The following GLT8D2 variants were observed in gnomAD, a reference collection of about 807,000 sequenced individuals.
The protein encoded by GLT8D2 is glycosyltransferase 8 domain-containing protein 2.
In GLT8D2, 45 loss-of-function variants were observed where a neutral mutation model predicts 44.5. That is an observed-to-expected ratio of 1.01 (90% CI 0.80 to 1.30). The LOEUF (loss-of-function observed/expected upper bound fraction) is 1.30. Among genes scored for constraint, GLT8D2 ranks in the 50% most tolerant of loss-of-function variants. GLT8D2 has a pLI of 0.00. For missense variants in GLT8D2, 400 were observed against 430.4 expected, an observed-to-expected ratio of 0.93 and a Z score of 0.62; for synonymous variants, 156 against 157.2, an observed-to-expected ratio of 0.99 and a Z score of 0.06.
chr12:104,046,111 T>C (rs1414827252), intron 1 of GLT8D2, among the ~76,000 whole-genome samples: 1 of 152,060 alleles, frequency 6.6e-6, no homozygotes, highest in Non-Finnish European at 1.5e-5. Flanking sequence ...ATGAGAGCTG[T>C]GTAGGTTAGT....
At chr12:104,051,576 T>C (rs1881732801), upstream of GLT8D2, among the ~76,000 whole-genome samples, 1 of 152,186 alleles carries the variant, frequency 6.6e-6, no homozygotes, top group African/African-American at 2.4e-5. Context: ...TAATCTCAAA[T>C]ATTGATGCTT....
chr12:104,056,730 AG>A (rs1158382906), intron 1 of GLT8D2, among the ~76,000 whole-genome samples: 1 of 152,346 alleles, frequency 6.6e-6, no homozygotes, highest in Admixed American at 6.5e-5. Flanking sequence ...CATAAATACA[AG>A]CTTTGCTGCC....
At chr12:104,016,652 A>C (rs942625583) in intron 3 of GLT8D2, among the ~76,000 whole-genome samples, 9 of 137,004 alleles carry the variant, frequency 6.6e-5, no homozygotes, top group Non-Finnish European at 1.6e-5. Context: ...GAAGGAGAGA[A>C]AGAAAGAAAG....
At chr12:103,995,049 G>A (rs1873237862) in intron 8 of GLT8D2, among the ~76,000 whole-genome samples, 1 of 152,128 alleles carries the variant, frequency 6.6e-6, no homozygotes, top group Non-Finnish European at 1.5e-5. Flanking sequence ...AGCAAATGGT[G>A]TAGGTCCCAT....
At chr12:104,004,493 C>T (rs1874700605) in intron 4 of GLT8D2, among the ~76,000 whole-genome samples, 1 of 152,166 alleles carries the variant, frequency 6.6e-6, no homozygotes, top group Admixed American at 6.5e-5. Context: ...ACCGTCTCAG[C>T]CCATAATCTC....
At chr12:104,000,645 G>A (rs1162990503) in intron 5 of GLT8D2, among the ~76,000 whole-genome samples, 3 of 152,172 alleles carry the variant, frequency 2.0e-5, no homozygotes, top group African/African-American at 7.2e-5. Flanking sequence ...CATGCCTTTT[G>A]TTAAGGACAA....
Position 103,999,484 on chromosome 12 carries a change from T to A in GLT8D2, c.315A>T (p.Glu105Asp). The change falls in exon 6 of 11, where the codon GAA (glutamate) becomes GAT (aspartate). Residue 105 changes from glutamate to aspartate, a missense_variant. Coordinates refer to ENST00000360814, the MANE Select transcript of GLT8D2 (RefSeq NM_001384711.1). Reference protein sequence around the residue: ...RKWIEHSKLREINFKIVEFNP... With the variant: ...RKWIEHSKLRDINFKIVEFNP... ...TGAATTCCACGATTTTAAAGTTTAT[T>A]TCTCTCAGTTTGGAATGTTCAATCC... 6.2e-7 allele frequency: 1 copy of A among 1,611,454 alleles called. No homozygotes were observed. The highest frequency in any genetic ancestry group is 8.5e-7 in the Non-Finnish European group (1 of 1,178,226).
chr12:104,061,723 C>T (rs1464743023), intron 1 of GLT8D2, among the ~76,000 whole-genome samples: 1 of 151,934 alleles, frequency 6.6e-6, no homozygotes, highest in East Asian at 1.9e-4. Context: ...ATGCCTGTAA[C>T]CCCAGAACCT....
chr12:104,022,913 G>A lies in GLT8D2; in HGVS notation c.-163-1422C>T, dbSNP rs144956376. Among the ~76,000 whole-genome samples, 1,166 of 152,254 alleles carry A rather than the reference G, an allele frequency of 7.7e-3. 17 individuals are homozygous for A. Among genetic ancestry groups the A allele is most frequent in the African/African-American group, 0.026 (1,066 of 41,552 alleles). On this transcript the variant is annotated intron_variant, in intron 1 of 10. Coordinates refer to ENST00000360814, the MANE Select transcript of GLT8D2 (RefSeq NM_001384711.1). ...ATAAAGTCCTTTGCATAAGAAAAAT[G>A]CAGGGCAAATTCTAAGAGGCATATT...
chr12:104,043,889 C>A (rs548383341), intron 1 of GLT8D2, among the ~76,000 whole-genome samples: 1 of 152,354 alleles, frequency 6.6e-6, no homozygotes, highest in Admixed American at 6.5e-5. Flanking sequence ...CAAAATAGAT[C>A]CAGAATTTTT....
At chr12:104,055,720 T>C (rs1566217154) in intron 1 of GLT8D2, among the ~76,000 whole-genome samples, 1 of 152,234 alleles carries the variant, frequency 6.6e-6, no homozygotes. Flanking sequence ...ACTGAGTATA[T>C]AACTTTTAGA....
chr12:104,016,934 G>A (rs1226359104), intron 3 of GLT8D2, among the ~76,000 whole-genome samples: 3 of 152,114 alleles, frequency 2.0e-5, no homozygotes, highest in Non-Finnish European at 4.4e-5. Flanking sequence ...TTCTTGCCCT[G>A]GTAAACAGAA....
intron 9 of GLT8D2, 198 bp downstream of exon 9, chr12:103,994,137 T>A (rs568507248): frequency 9.9e-6 from 4 of 405,058 alleles, no homozygotes; most frequent in South Asian, 6.3e-5. Flanking sequence ...CTCCACAGGA[T>A]CTTGATTCCT....
intron 4 of GLT8D2, chr12:104,012,950 A>T: frequency 1.8e-6 from 1 of 568,772 alleles, no homozygotes; most frequent in East Asian, 3.1e-5. Flanking sequence ...GAGAGGCCTC[A>T]GGAGAAACAA....
Position 103,990,230 on chromosome 12 carries a change from A to G in GLT8D2, c.881-653T>C, listed in dbSNP as rs547622027. On this transcript the variant is annotated intron_variant, in intron 10 of 10. Coordinates refer to ENST00000360814, the MANE Select transcript of GLT8D2 (RefSeq NM_001384711.1). The stretch of plus-strand genomic sequence containing the variant: ...GCCGCATTGTCCCCCAAGAAGTTCT[A>G]TTAATTTCCCTCCCACCCAAGAGTT... Among the ~76,000 whole-genome samples the G allele has an allele frequency of 5.3e-5, 8 of 151,302 alleles. No homozygotes were observed. In the South Asian group the frequency reaches 1.5e-3, roughly 28 times the overall value.
Position 103,989,534 on chromosome 12 carries a change from T to C in GLT8D2, c.924A>G (p.Glu308=). The change falls in exon 11 of 11, where the codon GAA becomes GAG. Residue 308 remains glutamate, a synonymous_variant. Transcript: ENST00000360814. ...DARYSEHFLQ[E]AKLLHWNGRH... Reference sequence around the variant, plus strand: ...TTCCATTCCAGTGGAGTAATTTAGCTTCCTGCAGAAAATGCTCCGAATATC... The same window carrying C: ...TTCCATTCCAGTGGAGTAATTTAGCCTCCTGCAGAAAATGCTCCGAATATC... 6.2e-7 allele frequency: 1 copy of C among 1,613,572 alleles called. No homozygotes were observed. Among genetic ancestry groups the C allele is most frequent in the African/African-American group, 1.3e-5 (1 of 75,032 alleles).
chr12:104,062,542 A>T (rs1882753691), intron 1 of GLT8D2, among the ~76,000 whole-genome samples: 1 of 152,224 alleles, frequency 6.6e-6, no homozygotes, highest in Non-Finnish European at 1.5e-5. Context: ...TTTACTATAC[A>T]GTGTCTGTGT....
intron 10 of GLT8D2, among the ~76,000 whole-genome samples, chr12:103,992,061 G>C (rs1231350115): frequency 6.6e-6 from 1 of 152,152 alleles, no homozygotes; most frequent in Non-Finnish European, 1.5e-5. Context: ...ATCCCACTCA[G>C]CACCACATTA....
chr12:103,996,163 T>C (rs144857172), intron 8 of GLT8D2, among the ~76,000 whole-genome samples: 201 of 152,346 alleles, frequency 1.3e-3, no homozygotes, highest in Non-Finnish European at 2.1e-3. Context: ...TAACACCTCA[T>C]ATTTCAAAGC....
Sources: gnomAD v4.1 joint callset for allele counts (sites outside exome capture counted in the v4.1 genomes callset) on GRCh38, gnomAD v4.1.1 for gene constraint, MANE v1.5 for transcripts, NCBI Gene and HGNC (gene_info 2026-07-23, HGNC 2026-07-21) for gene names.